FBXO31: variants seen among roughly 807,000 people sequenced by gnomAD.
The protein encoded by FBXO31 is F-box protein 31.
A neutral mutation model predicts 54.4 loss-of-function variants in FBXO31; 24 were observed. The ratio of observed to expected loss-of-function variants is 0.44; its 90% CI spans 0.32 to 0.62. The LOEUF is 0.62. FBXO31 is among the 20% of genes least tolerant of loss of function. The pLI, the probability that FBXO31 is intolerant of heterozygous loss-of-function variation, is 0.05. For missense variants in FBXO31, 665 were observed against 787.1 expected (o/e 0.84, Z 1.86); for synonymous variants, 388 against 335.6 (o/e 1.16, Z -1.71).
intron 1 of FBXO31, among the ~76,000 whole-genome samples, chr16:87,370,413 C>G (rs1413691572): frequency 6.6e-6 from 1 of 152,244 alleles, no homozygotes; most frequent in Non-Finnish European, 1.5e-5. Flanking sequence ...AGGCACCACA[C>G]TAAGATGCCA....
At position 87,335,246 on chromosome 16, in the gene FBXO31, C is replaced by A; in HGVS notation, c.996+58G>T. ...TGTCTGCCCAAGTTCCCTGACTCCA[C>A]AGCCCACTTGGGCCAGGTGCCCCCA... On this transcript the variant is annotated intron_variant, in intron 7 of 8. Transcript: ENST00000311635. This position sits in a 1 kb window ranked among gnomAD's most constrained non-coding sequence, Gnocchi z 5.7. 6.2e-7 allele frequency: 1 copy of A among 1,605,000 alleles called. No individual in the cohort carries two copies. Among genetic ancestry groups the A allele is most frequent in the Non-Finnish European group, 8.5e-7 (1 of 1,179,086 alleles).
At chr16:87,344,776 G>T (rs1905307091) in intron 3 of FBXO31, among the ~76,000 whole-genome samples, 1 of 152,192 alleles carries the variant, frequency 6.6e-6, no homozygotes, top group South Asian at 2.1e-4. Context: ...TAAAAGCAAG[G>T]CTGGAGCACG....
Position 87,336,439 on chromosome 16 carries a change from G to T in FBXO31, c.733-175C>A, listed in dbSNP as rs57731385. On this transcript the variant is annotated intron_variant, in intron 5 of 8. Coordinates refer to ENST00000311635, the MANE Select transcript of FBXO31 (RefSeq NM_024735.5). This position sits in a 1 kb window ranked among gnomAD's most constrained non-coding sequence, Gnocchi z 6.5. The stretch of plus-strand genomic sequence containing the variant: ...GCTGGGAAGAGAAAGGGGAGCTGCC[G>T]GATTTGACCCCACGTCAGAGGTGCC... 0.011 allele frequency among the ~76,000 whole-genome samples: 1,684 copies of T among 152,264 alleles called. 35 individuals are homozygous for T. Among genetic ancestry groups the T allele is most frequent in the African/African-American group, 0.039 (1,620 of 41,530 alleles).
At chr16:87,352,606 G>C (rs1905712507) in intron 2 of FBXO31, among the ~76,000 whole-genome samples, 1 of 152,178 alleles carries the variant, frequency 6.6e-6, no homozygotes, top group Non-Finnish European at 1.5e-5. Context: ...AGAGGCCAGG[G>C]AAGCCGTGTC....
At chr16:87,353,232 T>TA (rs1242711943) in intron 2 of FBXO31, among the ~76,000 whole-genome samples, 1 of 152,086 alleles carries the variant, frequency 6.6e-6, no homozygotes, top group African/African-American at 2.4e-5. Flanking sequence ...CTCTCACTGT[T>TA]ACTCCCACGG....
chr16:87,377,526 T>G (rs780479572), intron 1 of FBXO31, among the ~76,000 whole-genome samples: 4 of 152,104 alleles, frequency 2.6e-5, no homozygotes, highest in Non-Finnish European at 5.9e-5. Flanking sequence ...GAGAAAATGT[T>G]TTTCAATATA....
intron 2 of FBXO31, among the ~76,000 whole-genome samples, chr16:87,352,207 G>T (rs1411145505): frequency 6.6e-6 from 1 of 152,086 alleles, no homozygotes; most frequent in Admixed American, 6.6e-5. Context: ...CAGTTATAAA[G>T]AAATAAACAC....
At position 87,333,941 on chromosome 16, in the gene FBXO31, G is replaced by T; in HGVS notation, c.1342C>A (p.Leu448Met). 1 of 1,612,288 alleles carries T rather than the reference G, an allele frequency of 6.2e-7. No individual in the cohort carries two copies. The highest frequency in any genetic ancestry group is 2.2e-5 in the East Asian group (1 of 44,864). ...TTCCTGGAGCTCACGCCCACGGGCA[G>T]CACGAACGGCTGCCCCTGCCCACAC... The part of the protein sequence containing the change: ...AQCGQGQPFV[L>M]PVGVSSRNED... The change falls in exon 8 of 9, where the codon CTG becomes ATG. Residue 448 changes from leucine (L) to methionine (M), a missense_variant. Physicochemically the swap from Leu to Met is conservative, Grantham distance 15. Around this residue, in one of 4 missense-constraint regions of FBXO31, gnomAD observed 165 missense variants for 159.7 expected, o/e 1.03. Transcript: ENST00000311635.
At position 87,331,337 on chromosome 16, in the gene FBXO31, G is replaced by A. The variant is rs767887503; in HGVS notation, c.1571C>T (p.Pro524Leu). The change falls in exon 9 of 9, where the codon CCA becomes CTA. Residue 524 changes from proline (P) to leucine (L), a missense_variant. Physicochemically the swap from Pro to Leu is moderately conservative, Grantham distance 98 (BLOSUM62 -3). This residue lies in a region of FBXO31 where 71 missense variants were observed against 105.8 expected (regional missense o/e 0.67). Transcript: ENST00000311635. ...ATFRNADAPS[P>L]QAFDEMLKNI... ...CTTGAGCATCTCATCGAAGGCCTGTGGGGACGGCGCATCTGCGTTCCGGAA... is the reference window on the plus strand; with the variant it reads ...CTTGAGCATCTCATCGAAGGCCTGTAGGGACGGCGCATCTGCGTTCCGGAA... The A allele has an allele frequency of 2.6e-5, 42 of 1,613,916 alleles. No homozygotes were observed. Among genetic ancestry groups the A allele is most frequent in the Non-Finnish European group, 3.3e-5 (39 of 1,180,040 alleles).
chr16:87,357,327 C>CTTT (rs34678078), intron 2 of FBXO31, among the ~76,000 whole-genome samples: 20 of 123,402 alleles, frequency 1.6e-4, no homozygotes, highest in Non-Finnish European at 2.1e-4. Flanking sequence ...GAATTCGGTT[C>CTTT]TTTTTTTTTT....
rs146692115 is a variant in FBXO31, at chr16:87,377,523, T to A, written c.340+5882A>T. On this transcript the variant is annotated intron_variant, in intron 1 of 8. Transcript: ENST00000311635. ...CAAATGACTATAGACAATGAGAAAA[T>A]GTTTTTCAATATATTAAACAATCCA... Among the ~76,000 whole-genome samples the A allele has an allele frequency of 2.5e-4, 38 of 152,156 alleles. 1 individual carries two copies. The East Asian group carries it at 6.2e-3, about 25-fold the overall frequency.
rs555129680 is a variant in FBXO31, at chr16:87,347,719, T to C, written c.413-469A>G. 6.8e-5 allele frequency among the ~76,000 whole-genome samples: 10 copies of C among 147,440 alleles called. No homozygotes were observed. In the South Asian group the frequency reaches 2.2e-3, roughly 32 times the overall value. ...AAAAAAAACTATCAGAATGAAACTA[T>C]CCTCAGAAGGCCTAAGTAAAATGAG... On this transcript the variant is annotated intron_variant, in intron 2 of 8. Transcript: ENST00000311635.
intron 1 of FBXO31, among the ~76,000 whole-genome samples, chr16:87,373,244 G>A (rs1376582350): frequency 6.6e-6 from 1 of 151,850 alleles, no homozygotes; most frequent in Non-Finnish European, 1.5e-5. Context: ...AAGGTCAGGA[G>A]ATCGAGACCA....
intron 4 of FBXO31, 22 bp from the exon 5 acceptor site, chr16:87,342,973 G>T: frequency 1.3e-6 from 2 of 1,589,234 alleles, no homozygotes; most frequent in South Asian, 2.3e-5. Flanking sequence ...GCAACACAAG[G>T]AAAGAGAAGA....
At chr16:87,381,404 C>CCTA (rs1232484581) in intron 1 of FBXO31, among the ~76,000 whole-genome samples, 3 of 152,208 alleles carry the variant, frequency 2.0e-5, no homozygotes, top group Non-Finnish European at 4.4e-5. Context: ...ACAGGCATCA[C>CCTA]CTACCTCATT....
Position 87,331,179 on chromosome 16 carries a change from T to C in FBXO31, c.*109A>G. 9.3e-7 allele frequency: 1 copy of C among 1,078,340 alleles called. No homozygotes were observed. Among genetic ancestry groups the C allele is most frequent in the Non-Finnish European group, 1.4e-6 (1 of 731,514 alleles). 66.8% of individuals were successfully genotyped at this position (1,078,340 alleles called of 1,614,324 possible). A position where few individuals can be genotyped will look rare whatever the true frequency, so the allele number is the denominator to read the frequency against. On this transcript the variant is annotated 3_prime_UTR_variant, in exon 9 of 9. Coordinates refer to ENST00000311635, the MANE Select transcript of FBXO31 (RefSeq NM_024735.5). The stretch of plus-strand genomic sequence containing the variant: ...CTGGACTGGGCCCCCCGACGAGGTG[T>C]GCGTTCTGGTCAAAAGGCCGGATTT...
Position 87,334,225 on chromosome 16 carries a change from T to C in FBXO31, c.1058A>G (p.Gln353Arg). The change falls in exon 8 of 9, where the codon CAG becomes CGG. Residue 353 changes from glutamine (Q) to arginine (R), a missense_variant. Physicochemically the swap from Gln to Arg is conservative, Grantham distance 43. This residue lies in a region of FBXO31 where 234 missense variants were observed against 346.8 expected (regional missense o/e 0.67). Coordinates refer to ENST00000311635, the MANE Select transcript of FBXO31 (RefSeq NM_024735.5). ...TVEIDLRHRI[Q>R]LPDLENQRNF... ...GCGCTGGTTCTCGAGGTCGGGCAGC[T>C]GGATCCGATGCCTCAGGTCGATCTC... 2 of 1,611,316 alleles carry C rather than the reference T, an allele frequency of 1.2e-6. No homozygotes were observed. The highest frequency in any genetic ancestry group is 1.7e-6 in the Non-Finnish European group (2 of 1,178,936).
intron 1 of FBXO31, among the ~76,000 whole-genome samples, chr16:87,365,439 CG>C (rs370037529): frequency 6.6e-6 from 1 of 152,308 alleles, no homozygotes; most frequent in African/African-American, 2.4e-5. Flanking sequence ...CATCAAGGTA[CG>C]TTTTGACATG....
At chr16:87,368,771 G>C (rs1318961270) in intron 1 of FBXO31, among the ~76,000 whole-genome samples, 1 of 152,092 alleles carries the variant, frequency 6.6e-6, no homozygotes, top group Admixed American at 6.6e-5. Flanking sequence ...GATTGCTAAG[G>C]ATTTAATTTA....
Sources: gnomAD v4.1 joint callset for allele counts (sites outside exome capture counted in the v4.1 genomes callset) on GRCh38, gnomAD v4.1.1 for gene constraint, gnomAD v4.1.1 regional missense constraint, Gnocchi (gnomAD v3.1) non-coding constraint, MANE v1.5 for transcripts, NCBI Gene and HGNC (gene_info 2026-07-23, HGNC 2026-07-21) for gene names.